EPB41L4A: variants seen among roughly 807,000 people sequenced by gnomAD.
EPB41L4A encodes band 4.1-like protein 4A.
EPB41L4A carries 100 observed loss-of-function variants against 108.6 expected under a neutral mutation model. The ratio of observed to expected loss-of-function variants is 0.92; its 90% CI spans 0.78 to 1.09. EPB41L4A has a LOEUF of 1.09. Ranked by LOEUF, EPB41L4A falls within the 50% of genes least tolerant of loss-of-function variation. EPB41L4A has a pLI of 0.00. For missense variants in EPB41L4A, 1,030 were observed against 842.7 expected (o/e 1.22, Z -2.75); for synonymous variants, 319 against 289.0 (o/e 1.10, Z -1.05).
At chr5:112,266,141 A>T in intron 5 of EPB41L4A, 92 bp downstream of exon 5, 1 of 893,764 alleles carries the variant, frequency 1.1e-6, no homozygotes, top group South Asian at 1.8e-5. Context: ...AATCTCATGG[A>T]TAAGAAGAGT....
rs774741235 is a variant in EPB41L4A, at chr5:112,157,132, T to C, written n.994+1269A>G. Among the ~76,000 whole-genome samples, 158 of 148,792 alleles carry C rather than the reference T, an allele frequency of 1.1e-3. 1 individual carries two copies. Among genetic ancestry groups the C allele is most frequent in the South Asian group, 4.1e-3 (19 of 4,636 alleles). ...TAGGACAGAATAGAGAGTGCAAAGGTACATCCATGCAAAAAGAAAAAAAAA... is the reference window on the plus strand; with the variant it reads ...TAGGACAGAATAGAGAGTGCAAAGGCACATCCATGCAAAAAGAAAAAAAAA... On this transcript the variant is annotated intron_variant and non_coding_transcript_variant, in intron 12 of 13. Coordinates refer to the EPB41L4A transcript ENST00000507810.
In EPB41L4A at chr5:112,234,724, G is replaced by A. The variant is rs1278593915; in HGVS notation, c.997C>T (p.Leu333Phe). ...TCAGGCCGGGGAAGCTGAATAGAAA[G>A]ATCTCGGCTCATTTGCAAAGCTGTC... ...GRTALQMSRD[L>F]SIQLPRPDQN... The change falls in exon 12 of 23, where the codon CTT becomes TTT. Residue 333 changes from leucine (L) to phenylalanine (F), a missense_variant. Transcript: ENST00000261486. 11 of 1,612,258 alleles carry A rather than the reference G, an allele frequency of 6.8e-6. No individual in the cohort carries two copies. The highest frequency in any genetic ancestry group is 1.3e-5 in the African/African-American group (1 of 74,902).
At chr5:112,278,126 T>C (rs1752724627) in intron 3 of EPB41L4A, among the ~76,000 whole-genome samples, 1 of 152,224 alleles carries the variant, frequency 6.6e-6, no homozygotes, top group Non-Finnish European at 1.5e-5. Context: ...TTCTGACTAA[T>C]CTATTAGAGA....
At chr5:112,322,682 A>G (rs978834346) in intron 1 of EPB41L4A, among the ~76,000 whole-genome samples, 17 of 151,544 alleles carry the variant, frequency 1.1e-4, no homozygotes, top group African/African-American at 3.6e-4. Context: ...TTGACGGCTT[A>G]TAGCCATCCA....
intron 1 of EPB41L4A, among the ~76,000 whole-genome samples, chr5:112,324,051 A>T (rs73231332): frequency 0.023 from 3,550 of 152,280 alleles, 135 homozygotes; most frequent in African/African-American, 0.081. Context: ...GAAATCTTTG[A>T]GGATATGCTC....
intron 1 of EPB41L4A, among the ~76,000 whole-genome samples, chr5:112,319,324 G>C (rs1046640658): frequency 6.6e-6 from 1 of 152,152 alleles, no homozygotes; most frequent in African/African-American, 2.4e-5. Flanking sequence ...ATGAGTCCAA[G>C]TGAATATAAA....
At chr5:112,402,181 G>C (rs971956690) in intron 1 of EPB41L4A, among the ~76,000 whole-genome samples, 2 of 152,104 alleles carry the variant, frequency 1.3e-5, no homozygotes, top group Non-Finnish European at 2.9e-5. Context: ...GTTCTCACTG[G>C]TTGTTTAAAA....
chr5:112,393,595 A>G (rs958208280), intron 1 of EPB41L4A, among the ~76,000 whole-genome samples: 2 of 152,196 alleles, frequency 1.3e-5, no homozygotes, highest in Admixed American at 6.5e-5. Flanking sequence ...TGAAGCAATA[A>G]TTAATAACCT....
At chr5:112,235,757 A>G (rs1424974141) in intron 11 of EPB41L4A, among the ~76,000 whole-genome samples, 1 of 152,130 alleles carries the variant, frequency 6.6e-6, no homozygotes, top group Non-Finnish European at 1.5e-5. Context: ...TATAAAAATG[A>G]CTCTGCATCA....
intron 11 of EPB41L4A, among the ~76,000 whole-genome samples, chr5:112,237,273 C>T (rs1220755345): frequency 6.6e-6 from 1 of 152,204 alleles, no homozygotes; most frequent in Non-Finnish European, 1.5e-5. Flanking sequence ...CAGATTTCAG[C>T]TCAGCCTTTC....
At chr5:112,396,108 G>A (rs1380213926) in intron 1 of EPB41L4A, among the ~76,000 whole-genome samples, 2 of 152,132 alleles carry the variant, frequency 1.3e-5, no homozygotes, top group Non-Finnish European at 1.5e-5. Context: ...GTGGGGTTGG[G>A]GGAAGGGGGA....
At chr5:112,155,637 A>G (rs1045010114) in intron 12 of EPB41L4A, among the ~76,000 whole-genome samples, 7 of 152,202 alleles carry the variant, frequency 4.6e-5, no homozygotes, top group African/African-American at 1.7e-4. Flanking sequence ...AATAAAAGTC[A>G]AGAAAGTGTT....
At chr5:112,283,443 T>C (rs1257992424) in intron 2 of EPB41L4A, among the ~76,000 whole-genome samples, 1 of 152,188 alleles carries the variant, frequency 6.6e-6, no homozygotes, top group African/African-American at 2.4e-5. Flanking sequence ...ATGATGGCAC[T>C]TGTCACCATT....
chr5:112,333,499 C>T (rs1756713350), intron 1 of EPB41L4A, among the ~76,000 whole-genome samples: 1 of 152,162 alleles, frequency 6.6e-6, no homozygotes, highest in Non-Finnish European at 1.5e-5. Flanking sequence ...TATTGACAGA[C>T]AAAGCAGAGA....
At position 112,413,036 on chromosome 5, in the gene EPB41L4A, C is replaced by A. The variant is rs560981470; in HGVS notation, c.99+5905G>T. 8.2e-4 allele frequency among the ~76,000 whole-genome samples: 125 copies of A among 152,292 alleles called. 1 individual carries two copies. The highest frequency in any genetic ancestry group is 3.0e-3 in the African/African-American group (123 of 41,572). On this transcript the variant is annotated intron_variant, in intron 1 of 22. Coordinates refer to ENST00000261486, the MANE Select transcript of EPB41L4A (RefSeq NM_022140.5). ...CAGTGCTGGTTCACAATAGCATAAA[C>A]CCCCACTGTGAAACCAACCAACATG... is the stretch of plus-strand genomic sequence containing the variant.
chr5:112,197,396 T>C (rs760397355), intron 15 of EPB41L4A, among the ~76,000 whole-genome samples: 2 of 152,204 alleles, frequency 1.3e-5, no homozygotes, highest in Non-Finnish European at 2.9e-5. Context: ...TCAAATAACA[T>C]GAACAGCAAT....
chr5:112,411,937 G>A (rs564687968), intron 1 of EPB41L4A, among the ~76,000 whole-genome samples: 1 of 152,356 alleles, frequency 6.6e-6, no homozygotes, highest in Admixed American at 6.5e-5. Flanking sequence ...CTCTGGGCTA[G>A]CTCAGCAACC....
At chr5:112,348,939 C>T (rs1757861702) in intron 1 of EPB41L4A, among the ~76,000 whole-genome samples, 1 of 152,172 alleles carries the variant, frequency 6.6e-6, no homozygotes, top group Non-Finnish European at 1.5e-5. Context: ...TTCAAATCAT[C>T]AAGGGCTCTG....
intron 2 of EPB41L4A, among the ~76,000 whole-genome samples, chr5:112,283,267 T>A (rs1404359231): frequency 6.6e-6 from 1 of 152,140 alleles, no homozygotes. Context: ...TCTCATTTGA[T>A]CAAAATGGAA....
Sources: allele counts gnomAD v4.1 joint callset (sites outside exome capture counted in the v4.1 genomes callset), GRCh38; gene constraint gnomAD v4.1.1; transcripts MANE v1.5; gene names NCBI Gene and HGNC (gene_info 2026-07-23, HGNC 2026-07-21).